ATOH8: variants seen among roughly 807,000 people sequenced by gnomAD.
ATOH8 encodes atonal bHLH transcription factor 8, also known as transcription factor ATOH8.
Under a neutral mutation model 21.2 loss-of-function variants are expected in ATOH8, and 9 were observed. That is an observed-to-expected ratio of 0.42 (90% CI 0.26 to 0.74). The LOEUF is 0.74. ATOH8 is among the 30% of genes least tolerant of loss of function. The probability of loss-of-function intolerance (pLI) is 0.24; values close to 1 mark genes in which losing one functional copy is unlikely to be tolerated. For synonymous variants in ATOH8, 253 were observed against 224.0 expected (o/e 1.13, Z -1.16); for missense variants, 524 against 470.9 (o/e 1.11, Z -1.04).
At chr2:85,786,517 T>A (rs1680623951) in intron 2 of ATOH8, among the ~76,000 whole-genome samples, 1 of 152,148 alleles carries the variant, frequency 6.6e-6, no homozygotes, top group South Asian at 2.1e-4. Flanking sequence ...CAGAGGAGCC[T>A]GCCACCCCAG....
Position 85,754,187 on chromosome 2 carries a change from G to C in ATOH8, c.-3G>C. On this transcript the variant is annotated 5_prime_UTR_variant, in exon 1 of 3. Transcript: ENST00000306279. ...CGCCCCTGCCTCGCGCGCCGCCCGC[G>C]CCATGAAGCACATCCCGGTCCTCGA... 1 of 1,575,818 alleles carries C rather than the reference G, an allele frequency of 6.3e-7. No homozygotes were observed. The highest frequency in any genetic ancestry group is 8.6e-7 in the Non-Finnish European group (1 of 1,164,772).
intron 1 of ATOH8, among the ~76,000 whole-genome samples, chr2:85,759,991 T>A (rs1321997153): frequency 5.3e-5 from 8 of 152,120 alleles, no homozygotes. Context: ...ATTTTACTGG[T>A]GAGGAAACTG....
chr2:85,774,029 C>G (rs1680263013), intron 2 of ATOH8: 1 of 936,860 alleles, frequency 1.1e-6, no homozygotes, highest in Non-Finnish European at 1.3e-6. Context: ...ACCTCAGGAC[C>G]CTGATTAGTT....
chr2:85,778,807 G>T (rs1680405403), intron 2 of ATOH8, among the ~76,000 whole-genome samples: 1 of 152,260 alleles, frequency 6.6e-6, no homozygotes, highest in Non-Finnish European at 1.5e-5. Flanking sequence ...CTCCACCGTG[G>T]TCGGGGCATG....
chr2:85,772,349 G>A (rs939235015), intron 2 of ATOH8, among the ~76,000 whole-genome samples: 3 of 152,254 alleles, frequency 2.0e-5, no homozygotes, highest in African/African-American at 7.2e-5. Context: ...TGCGAGGCGG[G>A]CCTGCTGGTG....
At chr2:85,762,054 G>A (rs1679886752) in intron 1 of ATOH8, among the ~76,000 whole-genome samples, 1 of 144,078 alleles carries the variant, frequency 6.9e-6, no homozygotes, top group African/African-American at 2.5e-5. Context: ...CAGACCTCTG[G>A]CTTCTCACCT....
chr2:85,780,752 G>A (rs1680460601), intron 2 of ATOH8, among the ~76,000 whole-genome samples: 1 of 152,220 alleles, frequency 6.6e-6, no homozygotes, highest in African/African-American at 2.4e-5. Flanking sequence ...GCTCACTAAA[G>A]GCTCTGGCCA....
At chr2:85,771,860 A>T (rs1435152201) in intron 2 of ATOH8, among the ~76,000 whole-genome samples, 1 of 152,242 alleles carries the variant, frequency 6.6e-6, no homozygotes, top group East Asian at 1.9e-4. Context: ...CTCATTGCAC[A>T]GATGGAAGAC....
intron 2 of ATOH8, chr2:85,772,777 C>T (rs940057822): frequency 1.3e-5 from 6 of 456,562 alleles, no homozygotes; most frequent in Admixed American, 7.1e-5. Flanking sequence ...TCTCAGGCGC[C>T]GCTGTTTTCT....
At position 85,754,963 on chromosome 2, in the gene ATOH8, C is replaced by T; in HGVS notation, c.768+6C>T. The T allele has an allele frequency of 1.3e-6, 2 of 1,581,380 alleles. No individual in the cohort carries two copies. The highest frequency in any genetic ancestry group is 1.7e-6 in the Non-Finnish European group (2 of 1,169,954). ...TCGAGGCGCTCAGGAAGCAGGTACCCGCTCGCCGCCGCACGCCCTCACTGC... is the reference window on the plus strand; with the variant it reads ...TCGAGGCGCTCAGGAAGCAGGTACCTGCTCGCCGCCGCACGCCCTCACTGC... On this transcript the variant is annotated splice_donor_region_variant and intron_variant, in intron 1 of 2. Transcript: ENST00000306279.
chr2:85,784,469 A>G (rs1411685282), intron 2 of ATOH8, among the ~76,000 whole-genome samples: 1 of 152,104 alleles, frequency 6.6e-6, no homozygotes, highest in Non-Finnish European at 1.5e-5. Flanking sequence ...TTGAGCCTAG[A>G]AGGTCAAGGC....
At chr2:85,771,850 C>CTCA (rs1241559540) in intron 2 of ATOH8, among the ~76,000 whole-genome samples, 2 of 152,240 alleles carry the variant, frequency 1.3e-5, no homozygotes, top group Non-Finnish European at 2.9e-5. Context: ...GACCACTTCC[C>CTCA]TCATTGCACA....
In ATOH8 at chr2:85,754,335, C is replaced by T. The variant is rs369633118; in HGVS notation, c.146C>T (p.Ala49Val). 2 of 1,608,310 alleles carry T rather than the reference C, an allele frequency of 1.2e-6. No individual in the cohort carries two copies. Among genetic ancestry groups the T allele is most frequent in the African/African-American group, 1.4e-5 (1 of 73,898 alleles). Residue 49 changes from alanine to valine, a missense_variant, in exon 1 of 3, where the codon GCG becomes GTG. Ala to Val is a moderately conservative substitution (Grantham distance 64). Coordinates refer to ENST00000306279, the MANE Select transcript of ATOH8 (RefSeq NM_032827.7). Reference protein sequence around the residue: ...GYKTFRLDLEAPEPRAVATNG... With the variant: ...GYKTFRLDLEVPEPRAVATNG... ...AAAACTTTCCGACTGGACTTGGAAG[C>T]GCCCGAGCCCCGCGCCGTAGCCACC...
intron 1 of ATOH8, 141 bp downstream of exon 1, chr2:85,755,098 G>A (rs1679647237): frequency 1.2e-5 from 14 of 1,190,200 alleles, no homozygotes; most frequent in Non-Finnish European, 1.6e-5. Context: ...AGACAGGTGT[G>A]GGCAGTCCTA....
chr2:85,780,140 G>C (rs1421761790), intron 2 of ATOH8, among the ~76,000 whole-genome samples: 2 of 152,152 alleles, frequency 1.3e-5, no homozygotes, highest in Admixed American at 6.5e-5. Flanking sequence ...ACTCCAACTG[G>C]CAACCCCCAG....
intron 2 of ATOH8, 150 bp downstream of exon 2, chr2:85,764,332 G>T: frequency 9.9e-7 from 1 of 1,011,866 alleles, no homozygotes. Flanking sequence ...CAGCTTCAGT[G>T]CTCCTCAAAT....
intron 1 of ATOH8, among the ~76,000 whole-genome samples, chr2:85,756,326 G>A (rs1679694134): frequency 6.6e-6 from 1 of 152,162 alleles, no homozygotes; most frequent in African/African-American, 2.4e-5. Flanking sequence ...TGCATCGCTG[G>A]GTAGAGGTGG....
In ATOH8 at chr2:85,785,418, G is replaced by A. The variant is rs1476520300; in HGVS notation, c.961-1467G>A. Among the ~76,000 whole-genome samples the A allele has an allele frequency of 1.3e-5, 2 of 152,206 alleles. No homozygotes were observed. Among genetic ancestry groups the A allele is most frequent in the African/African-American group, 2.4e-5 (1 of 41,440 alleles). On this transcript the variant is annotated intron_variant, in intron 2 of 2. Transcript: ENST00000306279. The surrounding 1 kb of genome is among the most constrained non-coding windows in gnomAD (Gnocchi z 4.1). ...GGATTTACCACATCAAGATGCTCCC[G>A]CCTCTCACTTTTCCTTTTCTCCCTC...
At chr2:85,771,752 T>C (rs1240031146) in intron 2 of ATOH8, among the ~76,000 whole-genome samples, 1 of 152,154 alleles carries the variant, frequency 6.6e-6, no homozygotes, top group East Asian at 1.9e-4. Context: ...ACCAAGCACA[T>C]CAACCATGTG....
Sources: gnomAD v4.1 joint callset for allele counts (sites outside exome capture counted in the v4.1 genomes callset) on GRCh38, gnomAD v4.1.1 for gene constraint, Gnocchi (gnomAD v3.1) non-coding constraint, MANE v1.5 for transcripts, NCBI Gene and HGNC (gene_info 2026-07-23, HGNC 2026-07-21) for gene names.